The following TIAM1 variants were observed in gnomAD, a reference collection of about 807,000 sequenced individuals.
TIAM1 encodes the protein TIAM Rac1 associated GEF 1.
TIAM1 carries 65 observed loss-of-function variants against 163.5 expected under a neutral mutation model. The observed-to-expected ratio is 0.40, with a 90% confidence interval of 0.33 to 0.49. The LOEUF is 0.49. Among genes scored for constraint, TIAM1 ranks in the 20% least tolerant of loss-of-function variants. The pLI, the probability that TIAM1 is intolerant of heterozygous loss-of-function variation, is 0.77. For synonymous variants in TIAM1, 833 were observed against 810.1 expected (o/e 1.03, Z -0.48); for missense variants, 1,789 against 2,044.7 (o/e 0.87, Z 2.41).
At chr21:31,392,144 G>A (rs576260633) in intron 2 of TIAM1, among the ~76,000 whole-genome samples, 4 of 152,252 alleles carry the variant, frequency 2.6e-5, no homozygotes, top group African/African-American at 9.6e-5. Flanking sequence ...TCAACTTAAG[G>A]TATTTTCAAC....
In TIAM1 at chr21:31,225,950, T is replaced by A. The variant is rs201327220; in HGVS notation, c.1585A>T (p.Thr529Ser). ...NSLGDAFLFQ[T>S]TSQTELENWI... ...TTTTCAAGCTCCGTCTGGCTAGTGGTCTGTACCAGGAAGAAGGGGCAGGAA... is the reference window on the plus strand; with the variant it reads ...TTTTCAAGCTCCGTCTGGCTAGTGGACTGTACCAGGAAGAAGGGGCAGGAA... Residue 529 changes from threonine to serine, a missense_variant and splice_region_variant, in exon 7 of 28, where the codon ACC becomes TCC. Physicochemically the swap from Thr to Ser is moderately conservative, Grantham distance 58 (BLOSUM62 1). Transcript: ENST00000541036. The A allele has an allele frequency of 2.5e-6, 4 of 1,613,920 alleles. No homozygotes were observed. The highest frequency in any genetic ancestry group is 3.4e-6 in the Non-Finnish European group (4 of 1,179,912).
chr21:31,179,057 A>G (rs955341783), intron 15 of TIAM1, among the ~76,000 whole-genome samples: 3 of 151,334 alleles, frequency 2.0e-5, no homozygotes, highest in Non-Finnish European at 4.4e-5. Flanking sequence ...AGCCTGAAGG[A>G]TTTTTGATGA....
rs896451124 is a variant in TIAM1, at chr21:31,419,511, G to A, written c.-369+44472C>T. Among the ~76,000 whole-genome samples the A allele has an allele frequency of 3.3e-5, 5 of 152,180 alleles. No individual in the cohort carries two copies. In the East Asian group the frequency reaches 7.7e-4, roughly 23 times the overall value. On this transcript the variant is annotated intron_variant, in intron 2 of 28. Coordinates refer to the TIAM1 transcript ENST00000286827. ...ACTTACAAGTGAGCTGTTAATACTA[G>A]TATGTCCAGACGCTGATGACAGCAT...
At chr21:31,166,515 C>A (rs13051752) in intron 15 of TIAM1, among the ~76,000 whole-genome samples, 37 of 152,298 alleles carry the variant, frequency 2.4e-4, no homozygotes, top group African/African-American at 8.4e-4. Flanking sequence ...ACCAATGCTG[C>A]CTCCTACCAT....
chr21:31,122,078 C>A (rs1476942525), intron 27 of TIAM1, among the ~76,000 whole-genome samples: 1 of 152,166 alleles, frequency 6.6e-6, no homozygotes, highest in Admixed American at 6.5e-5. Context: ...CCAGCAGGCA[C>A]AGGGTTAGAG....
chr21:31,450,495 G>A (rs1473784162), intron 2 of TIAM1, among the ~76,000 whole-genome samples: 1 of 152,038 alleles, frequency 6.6e-6, no homozygotes, highest in Non-Finnish European at 1.5e-5. Flanking sequence ...TGCTTTCCTG[G>A]GCCTGGGAAA....
intron 8 of TIAM1, among the ~76,000 whole-genome samples, chr21:31,219,882 C>G (rs1369699055): frequency 6.6e-6 from 1 of 152,082 alleles, no homozygotes; most frequent in Non-Finnish European, 1.5e-5. Flanking sequence ...ACAAACACAC[C>G]GTAAAATATG....
At chr21:31,291,153 T>TC (rs2074004956) in intron 2 of TIAM1, among the ~76,000 whole-genome samples, 1 of 152,104 alleles carries the variant, frequency 6.6e-6, no homozygotes, top group Non-Finnish European at 1.5e-5. Flanking sequence ...AAAACACCTT[T>TC]CCAACCATAA....
chr21:31,338,765 C>T (rs185499707), intron 2 of TIAM1, among the ~76,000 whole-genome samples: 163 of 152,242 alleles, frequency 1.1e-3, no homozygotes, highest in Non-Finnish European at 1.8e-3. Context: ...CCAGTTTCAC[C>T]GCAGCAGGGA....
At chr21:31,185,632 CATT>C (rs1193040453) in intron 14 of TIAM1, among the ~76,000 whole-genome samples, 9 of 141,622 alleles carry the variant, frequency 6.4e-5, no homozygotes, top group Non-Finnish European at 9.1e-5. Flanking sequence ...TATTATATAT[CATT>C]ATATGATAAT....
intron 12 of TIAM1, among the ~76,000 whole-genome samples, chr21:31,202,236 C>A (rs1409187596): frequency 1.3e-5 from 2 of 152,054 alleles, no homozygotes; most frequent in South Asian, 2.1e-4. Flanking sequence ...CAACAACCAG[C>A]TGATTTTTAA....
At chr21:31,445,123 T>C (rs2044572605) in intron 2 of TIAM1, among the ~76,000 whole-genome samples, 1 of 151,880 alleles carries the variant, frequency 6.6e-6, no homozygotes, top group Non-Finnish European at 1.5e-5. Flanking sequence ...GTGGGAAATG[T>C]CTCCTAGCAT....
chr21:31,396,272 G>A lies in TIAM1; in HGVS notation c.-368-56850C>T, dbSNP rs79064300. 1.2e-3 allele frequency among the ~76,000 whole-genome samples: 185 copies of A among 152,216 alleles called. 1 individual carries two copies. Among genetic ancestry groups the A allele is most frequent in the African/African-American group, 3.6e-3 (151 of 41,530 alleles). On this transcript the variant is annotated intron_variant, in intron 2 of 28. Coordinates refer to the TIAM1 transcript ENST00000286827. ...AGGTGACTTGGGCTGTGACCTCGGC[G>A]CCTGCCCCATTCCTGCCTTTCCCAC... is the stretch of plus-strand genomic sequence containing the variant.
intron 2 of TIAM1, among the ~76,000 whole-genome samples, chr21:31,437,903 A>T (rs939900436): frequency 2.6e-5 from 4 of 152,214 alleles, no homozygotes; most frequent in African/African-American, 9.7e-5. Context: ...GTGAGAACAG[A>T]CTAATACGTA....
At chr21:31,431,860 A>G (rs560830017) in intron 2 of TIAM1, among the ~76,000 whole-genome samples, 2 of 152,332 alleles carry the variant, frequency 1.3e-5, no homozygotes, top group South Asian at 2.1e-4. Flanking sequence ...CATATATGCA[A>G]TCTTATGGGA....
chr21:31,297,810 C>T (rs1367540862), intron 2 of TIAM1, among the ~76,000 whole-genome samples: 1 of 152,032 alleles, frequency 6.6e-6, no homozygotes, highest in Non-Finnish European at 1.5e-5. Context: ...AAGTGCCATA[C>T]GATGAACTCA....
chr21:31,539,609 CAG>C (rs953348233), intron 1 of TIAM1, among the ~76,000 whole-genome samples: 2 of 152,102 alleles, frequency 1.3e-5, no homozygotes, highest in Non-Finnish European at 2.9e-5. Context: ...CTCAGTTTAG[CAG>C]AGTCACATGG....
intron 2 of TIAM1, among the ~76,000 whole-genome samples, chr21:31,410,458 T>C (rs1207005351): frequency 6.6e-6 from 1 of 151,098 alleles, no homozygotes; most frequent in African/African-American, 2.4e-5. Context: ...GTGTTACGTA[T>C]GTGAGCATGT....
rs370269822 is a variant in TIAM1, at chr21:31,193,316, G to T, written c.2575+1908C>A. Among the ~76,000 whole-genome samples, 274 of 152,310 alleles carry T rather than the reference G, an allele frequency of 1.8e-3. 2 individuals are homozygous for T. Among genetic ancestry groups the T allele is most frequent in the South Asian group, 0.014 (69 of 4,820 alleles). ...AGTGGCTCACAGTGCCTAAACTGTG[G>T]TACAAACAATGGGATTTATGGTGAA... On this transcript the variant is annotated intron_variant, in intron 13 of 27. Coordinates refer to ENST00000541036, the MANE Select transcript of TIAM1 (RefSeq NM_001353694.2).
Sources: gnomAD v4.1 joint callset for allele counts (sites outside exome capture counted in the v4.1 genomes callset) on GRCh38, gnomAD v4.1.1 for gene constraint, MANE v1.5 for transcripts, NCBI Gene and HGNC (gene_info 2026-07-23, HGNC 2026-07-21) for gene names.